The following OSBPL8 variants were observed in gnomAD, a reference collection of about 807,000 sequenced individuals.
The protein encoded by OSBPL8 is oxysterol-binding protein-related protein 8.
Under a neutral mutation model 125.5 loss-of-function variants are expected in OSBPL8, and 59 were observed. The ratio of observed to expected loss-of-function variants is 0.47; its 90% confidence interval spans 0.38 to 0.58. The LOEUF (loss-of-function observed/expected upper bound fraction) is 0.58. Among genes scored for constraint, OSBPL8 ranks in the 20% least tolerant of loss-of-function variants. The pLI, the probability that OSBPL8 is intolerant of heterozygous loss-of-function variation, is 0.00. For synonymous variants in OSBPL8, 330 were observed against 338.9 expected (o/e 0.97, Z 0.29); for missense variants, 758 against 1,047.8 (o/e 0.72, Z 3.82).
At chr12:76,480,005 A>C (rs762109640) in intron 2 of OSBPL8, among the ~76,000 whole-genome samples, 1 of 152,036 alleles carries the variant, frequency 6.6e-6, no homozygotes, top group East Asian at 1.9e-4. Flanking sequence ...TGTCTCTACT[A>C]AAAATACAAA....
chr12:76,386,165 T>C lies in OSBPL8; in HGVS notation c.1533+3A>G. On this transcript the variant is annotated splice_donor_region_variant and intron_variant, in intron 14 of 23. Coordinates refer to ENST00000261183, the MANE Select transcript of OSBPL8 (RefSeq NM_020841.5). ...TTTGTTTCCATACATGCATTTCTAA[T>C]ACCTGTTCAGCAATATAAAAAGTTT... The C allele has an allele frequency of 1.2e-6, 2 of 1,605,578 alleles. No homozygotes were observed. The highest frequency in any genetic ancestry group is 1.7e-6 in the Non-Finnish European group (2 of 1,177,340).
intron 2 of OSBPL8, among the ~76,000 whole-genome samples, chr12:76,482,473 C>T (rs1285982033): frequency 1.3e-5 from 2 of 151,992 alleles, no homozygotes; most frequent in Admixed American, 6.6e-5. Flanking sequence ...ATTAGCCGGG[C>T]GTGGTGGCGC....
chr12:76,360,126 C>T (rs1011211015), intron 21 of OSBPL8, among the ~76,000 whole-genome samples: 7 of 152,156 alleles, frequency 4.6e-5, no homozygotes, highest in African/African-American at 1.7e-4. Context: ...CAAGTCCCTT[C>T]TGCCTATGAG....
At chr12:76,459,063 T>C (rs2136812545) in intron 3 of OSBPL8, among the ~76,000 whole-genome samples, 1 of 152,326 alleles carries the variant, frequency 6.6e-6, no homozygotes, top group African/African-American at 2.4e-5. Flanking sequence ...CTTCTATCTT[T>C]GAATAACAGT....
At chr12:76,482,927 T>C (rs994570147) in intron 2 of OSBPL8, among the ~76,000 whole-genome samples, 1 of 152,078 alleles carries the variant, frequency 6.6e-6, no homozygotes, top group East Asian at 1.9e-4. Context: ...AATAGAACCA[T>C]ATGCAACTAG....
Position 76,369,811 on chromosome 12 carries a change from C to T in OSBPL8, c.2066G>A (p.Arg689Gln), listed in dbSNP as rs142360589. ...GDFESEKLWQ[R>Q]VTRAINAKDQ... ...TTTGGCATTTATGGCTCGAGTTACC[C>T]GTTGCCAGAGTCTAATACATGTGCG... is the stretch of plus-strand genomic sequence containing the variant. Residue 689 changes from arginine to glutamine, a missense_variant, in exon 20 of 24, where the codon CGG becomes CAG. Around this residue, in one of 3 missense-constraint regions of OSBPL8, gnomAD observed 572 missense variants for 762.0 expected, o/e 0.75. Coordinates refer to ENST00000261183, the MANE Select transcript of OSBPL8 (RefSeq NM_020841.5). 1.7e-4 allele frequency: 269 copies of T among 1,612,222 alleles called. 3 individuals carry two copies. The South Asian group carries it at 2.3e-3, about 14-fold the overall frequency.
chr12:76,546,055 C>T (rs1163027993), intron 1 of OSBPL8, among the ~76,000 whole-genome samples: 1 of 152,126 alleles, frequency 6.6e-6, no homozygotes, highest in Non-Finnish European at 1.5e-5. Flanking sequence ...CGAGGGCTGA[C>T]ATTTACAATA....
chr12:76,499,227 G>C (rs1170142403), intron 1 of OSBPL8, among the ~76,000 whole-genome samples: 4 of 152,048 alleles, frequency 2.6e-5, no homozygotes, highest in Non-Finnish European at 5.9e-5. Context: ...TGAGACTCAG[G>C]CTGGCTATCC....
chr12:76,358,443 A>G (rs1221226902), intron 22 of OSBPL8, among the ~76,000 whole-genome samples: 1 of 151,870 alleles, frequency 6.6e-6, no homozygotes, highest in African/African-American at 2.4e-5. Context: ...CGGCGTCCCA[A>G]AGTACTGGGA....
intron 5 of OSBPL8, among the ~76,000 whole-genome samples, chr12:76,406,832 C>T (rs539158553): frequency 6.6e-5 from 10 of 152,170 alleles, no homozygotes; most frequent in South Asian, 2.1e-4. Context: ...AGGCTGGTCT[C>T]GAACTCCTGG....
rs185933973 is a variant in OSBPL8 at position 76,384,417 on chromosome 12, A to G, written c.1534-67T>C. ...ACATGTTTATATAAAATATAAAAAG[A>G]TAAGCATATTATTGTGCCATTATCA... On this transcript the variant is annotated intron_variant, in intron 14 of 23. Coordinates refer to ENST00000261183, the MANE Select transcript of OSBPL8 (RefSeq NM_020841.5). The G allele has an allele frequency of 6.1e-4, 555 of 903,780 alleles. 1 individual carries two copies. In the African/African-American group the frequency reaches 7.4e-3, roughly 12 times the overall value. The allele number at this position is 903,780 out of a possible 1,614,324, so 56.0% of individuals were successfully genotyped here. A position where few individuals can be genotyped will look rare whatever the true frequency, so the allele number is the denominator to read the frequency against.
At chr12:76,476,471 A>G (rs560615155) in intron 2 of OSBPL8, among the ~76,000 whole-genome samples, 4 of 152,298 alleles carry the variant, frequency 2.6e-5, no homozygotes, top group South Asian at 4.1e-4. Flanking sequence ...TAAAGCCGAT[A>G]ATACTGGGTA....
At chr12:76,368,395 T>C (rs1952499271) in intron 21 of OSBPL8, among the ~76,000 whole-genome samples, 1 of 152,210 alleles carries the variant, frequency 6.6e-6, no homozygotes, top group South Asian at 2.1e-4. Context: ...TCATCCTACT[T>C]GGAGTTTGTT....
At chr12:76,535,586 G>A (rs2137377274) in intron 1 of OSBPL8, among the ~76,000 whole-genome samples, 1 of 152,226 alleles carries the variant, frequency 6.6e-6, no homozygotes, top group African/African-American at 2.4e-5. Flanking sequence ...TTTGTACATG[G>A]ATGTTCACAG....
chr12:76,530,603 T>C (rs1950309237), intron 1 of OSBPL8, among the ~76,000 whole-genome samples: 3 of 152,136 alleles, frequency 2.0e-5, no homozygotes, highest in African/African-American at 7.2e-5. Flanking sequence ...TATCCCCACA[T>C]GTAAGTATAG....
chr12:76,373,580 T>G (rs150658992), intron 17 of OSBPL8, 147 bp from the exon 18 acceptor site: 4 of 476,748 alleles, frequency 8.4e-6, no homozygotes, highest in Non-Finnish European at 1.5e-5. Flanking sequence ...GACTCAAATT[T>G]TAGTTAGAAA....
intron 9 of OSBPL8, among the ~76,000 whole-genome samples, chr12:76,393,897 G>A (rs1423674232): frequency 6.6e-6 from 1 of 151,842 alleles, no homozygotes; most frequent in East Asian, 1.9e-4. Flanking sequence ...GCATGTGCCT[G>A]TAATCCCAGC....
At chr12:76,411,080 G>T (rs1190600880) in intron 4 of OSBPL8, among the ~76,000 whole-genome samples, 1 of 152,148 alleles carries the variant, frequency 6.6e-6, no homozygotes, top group Non-Finnish European at 1.5e-5. Flanking sequence ...CATATGGTGA[G>T]AATTAGATGA....
At chr12:76,460,015 A>C (rs1874524678) in intron 2 of OSBPL8, 120 bp from the exon 3 acceptor site, 1 of 900,568 alleles carries the variant, frequency 1.1e-6, no homozygotes, top group Admixed American at 1.9e-5. Flanking sequence ...TTAGTTTATA[A>C]GTAGAAAGCA....
Sources: gnomAD v4.1 joint callset for allele counts (sites outside exome capture counted in the v4.1 genomes callset) on GRCh38, gnomAD v4.1.1 for gene constraint, gnomAD v4.1.1 regional missense constraint, MANE v1.5 for transcripts, NCBI Gene and HGNC (gene_info 2026-07-23, HGNC 2026-07-21) for gene names.